The following SLC8A1 variants were observed in gnomAD, a reference collection of about 807,000 sequenced individuals.
SLC8A1 encodes sodium/calcium exchanger 1.
SLC8A1 carries 18 observed loss-of-function variants against 68.3 expected under a neutral mutation model. The observed-to-expected ratio is 0.26, with a 90% CI of 0.18 to 0.39. The LOEUF is 0.39. SLC8A1 is among the 10% of genes least tolerant of loss of function. The pLI, the probability that SLC8A1 is intolerant of heterozygous loss-of-function variation, is 1.00. For missense variants in SLC8A1, 985 were observed against 1,156.7 expected (o/e 0.85, Z 2.15); for synonymous variants, 475 against 415.5 (o/e 1.14, Z -1.74).
At chr2:40,262,526 A>G (rs422483) in intron 2 of SLC8A1, among the ~76,000 whole-genome samples, 23,756 of 152,184 alleles carry the variant, frequency 0.16, 2,108 homozygotes, top group Admixed American at 0.28. Context: ...CATTTCTAGT[A>G]TATTTGATCT....
At chr2:40,369,764 C>A (rs1299893415) in intron 2 of SLC8A1, among the ~76,000 whole-genome samples, 3 of 151,948 alleles carry the variant, frequency 2.0e-5, no homozygotes, top group Non-Finnish European at 2.9e-5. Context: ...GAGCCATTGG[C>A]CAGAGCCAAT....
chr2:40,247,811 G>C (rs2062094390), intron 2 of SLC8A1, among the ~76,000 whole-genome samples: 1 of 152,196 alleles, frequency 6.6e-6, no homozygotes, highest in Non-Finnish European at 1.5e-5. Context: ...AATATGCACA[G>C]AAGTTAAGTG....
chr2:40,170,364 G>C lies in SLC8A1; in HGVS notation c.1930+4461C>G, dbSNP rs2047258136. 1 of 1,612,344 alleles carries C rather than the reference G, an allele frequency of 6.2e-7. No homozygotes were observed. On this transcript the variant is annotated intron_variant, in intron 4 of 7. Transcript: ENST00000406785. ...GACAGGTTGGCCTAGCAAAAGGACA[G>C]GCAGAAAAATCAGCAGAATGGATTG...
rs150407669 is a variant in SLC8A1 at position 40,349,520 on chromosome 2, G to A, written c.1808+78953C>T. Among the ~76,000 whole-genome samples the A allele has an allele frequency of 8.1e-4, 123 of 152,286 alleles. 1 individual carries two copies. The highest frequency in any genetic ancestry group is 2.8e-3 in the African/African-American group (118 of 41,580). On this transcript the variant is annotated intron_variant, in intron 2 of 7. Coordinates refer to ENST00000406785, the Ensembl canonical transcript of SLC8A1. ...CCTCATAGCAGCTAAATGACCTTGG[G>A]TAAGTTCCTCTCTGCACCTCAGCTG...
chr2:40,318,945 G>C (rs563819467), intron 2 of SLC8A1, among the ~76,000 whole-genome samples: 1 of 151,986 alleles, frequency 6.6e-6, no homozygotes, highest in African/African-American at 2.4e-5. Context: ...AGATGTTACT[G>C]TTACTAGAAT....
chr2:40,211,882 T>C (rs1409563037), intron 2 of SLC8A1, among the ~76,000 whole-genome samples: 1 of 152,192 alleles, frequency 6.6e-6, no homozygotes, highest in Non-Finnish European at 1.5e-5. Flanking sequence ...TGAAGTGATG[T>C]GTCTGTCACA....
At chr2:40,124,471 C>T (rs764508547) in intron 7 of SLC8A1, among the ~76,000 whole-genome samples, 8 of 152,192 alleles carry the variant, frequency 5.3e-5, no homozygotes, top group South Asian at 2.1e-4. Context: ...CTTGAGGACA[C>T]GTGAGACTTG....
intron 2 of SLC8A1, among the ~76,000 whole-genome samples, chr2:40,212,301 T>TTTTTTC (rs1553417570): frequency 2.0e-5 from 3 of 150,320 alleles, no homozygotes; most frequent in Non-Finnish European, 4.4e-5. Context: ...TTTTTTTTTT[T>TTTTTTC]CCTGAGACAA....
At chr2:40,321,834 G>C (rs1453148900) in intron 2 of SLC8A1, among the ~76,000 whole-genome samples, 1 of 152,084 alleles carries the variant, frequency 6.6e-6, no homozygotes, top group African/African-American at 2.4e-5. Flanking sequence ...ACACAACCAA[G>C]CCGTATCACC....
intron 2 of SLC8A1, chr2:40,178,458 T>A (rs2048872726): frequency 1.2e-6 from 2 of 1,613,530 alleles, no homozygotes; most frequent in African/African-American, 1.3e-5. Flanking sequence ...TTTCTCATAC[T>A]CCTCATCATC....
At chr2:40,145,967 C>G (rs73927129) in intron 6 of SLC8A1, among the ~76,000 whole-genome samples, 2,663 of 64,098 alleles carry the variant, frequency 0.042, 66 homozygotes, top group African/African-American at 0.094. Context: ...GAGTTGATCT[C>G]TCTTTTTTTT....
At position 40,282,679 on chromosome 2, in the gene SLC8A1, A is replaced by G. The variant is rs546425288; in HGVS notation, c.1809-104824T>C. ...CATGACGTAGCTTTTGGGGCCGGGG[A>G]GGAATCTCATTCTTGCAGGAAATAA... On this transcript the variant is annotated intron_variant, in intron 2 of 7. Transcript: ENST00000406785. Among the ~76,000 whole-genome samples the G allele has an allele frequency of 5.9e-5, 9 of 152,242 alleles. No homozygotes were observed. In the East Asian group the frequency reaches 1.7e-3, roughly 29 times the overall value.
chr2:40,286,123 T>C (rs1212869330), intron 2 of SLC8A1, among the ~76,000 whole-genome samples: 3 of 152,212 alleles, frequency 2.0e-5, no homozygotes, highest in Non-Finnish European at 4.4e-5. Context: ...CAGTAGTAGC[T>C]AATAGATGTC....
At chr2:40,465,806 T>C (rs936754106) in intron 1 of SLC8A1, among the ~76,000 whole-genome samples, 1 of 152,334 alleles carries the variant, frequency 6.6e-6, no homozygotes, top group African/African-American at 2.4e-5. Context: ...GGAAAACTTA[T>C]CTTCAATGCA....
chr2:40,178,463 A>G (rs2048873313), intron 2 of SLC8A1: 2 of 1,613,384 alleles, frequency 1.2e-6, no homozygotes. Context: ...CATACTCCTC[A>G]TCATCAATTA....
chr2:40,312,392 T>A (rs1355471260), intron 2 of SLC8A1, among the ~76,000 whole-genome samples: 1 of 152,144 alleles, frequency 6.6e-6, no homozygotes, highest in Non-Finnish European at 1.5e-5. Flanking sequence ...GGTGCCACTT[T>A]GCTCATCACA....
At chr2:40,374,478 G>A (rs1232170959) in intron 2 of SLC8A1, among the ~76,000 whole-genome samples, 1 of 151,974 alleles carries the variant, frequency 6.6e-6, no homozygotes, top group Non-Finnish European at 1.5e-5. Flanking sequence ...ATATATATAT[G>A]TATGTATTTG....
intron 2 of SLC8A1, among the ~76,000 whole-genome samples, chr2:40,414,861 G>A (rs562245255): frequency 6.6e-6 from 1 of 151,844 alleles, no homozygotes; most frequent in African/African-American, 2.4e-5. Flanking sequence ...AAATACTATT[G>A]GTTAAATAAA....
At chr2:40,245,530 ACT>A (rs1182521077) in intron 2 of SLC8A1, among the ~76,000 whole-genome samples, 1 of 152,060 alleles carries the variant, frequency 6.6e-6, no homozygotes, top group Non-Finnish European at 1.5e-5. Flanking sequence ...GGACACTCTG[ACT>A]CTGTGCTGTA....
Sources: allele counts gnomAD v4.1 joint callset (sites outside exome capture counted in the v4.1 genomes callset), GRCh38; gene constraint gnomAD v4.1.1; transcripts MANE v1.5; gene names NCBI Gene and HGNC (gene_info 2026-07-23, HGNC 2026-07-21).